The following ERBB4 variants were observed in gnomAD, a reference collection of about 807,000 sequenced individuals.
ERBB4 encodes the protein receptor tyrosine-protein kinase erbB-4.
ERBB4 carries 42 observed loss-of-function variants against 158.0 expected under a neutral mutation model. The observed-to-expected ratio is 0.27, with a 90% CI of 0.21 to 0.34. The LOEUF is 0.34. Among genes scored for constraint, ERBB4 ranks in the 10% least tolerant of loss-of-function variants. ERBB4 has a pLI of 1.00. For synonymous variants in ERBB4, 583 were observed against 558.7 expected, an observed-to-expected ratio of 1.04 and a Z score of -0.61; for missense variants, 1,333 against 1,624.1, an observed-to-expected ratio of 0.82 and a Z score of 3.08.
At chr2:212,167,996 A>AT (rs2081399883) in intron 1 of ERBB4, among the ~76,000 whole-genome samples, 1 of 151,736 alleles carries the variant, frequency 6.6e-6, no homozygotes, top group African/African-American at 2.4e-5. Flanking sequence ...GCAGCAAACC[A>AT]CCATGGCACA....
In ERBB4 at chr2:211,866,528, G is replaced by A. The variant is rs567803787; in HGVS notation, c.422-78369C>T. Reference sequence around the variant, plus strand: ...GAATTGTCAGCAAGGAGAAATCGAAGCTAAGTTTCTTGATAATGCAACAAT... The same window carrying A: ...GAATTGTCAGCAAGGAGAAATCGAAACTAAGTTTCTTGATAATGCAACAAT... On this transcript the variant is annotated intron_variant, in intron 3 of 27. Coordinates refer to ENST00000342788, the MANE Select transcript of ERBB4 (RefSeq NM_005235.3). Among the ~76,000 whole-genome samples the A allele has an allele frequency of 3.7e-4, 57 of 152,138 alleles. 1 individual carries two copies. The highest frequency in any genetic ancestry group is 2.1e-3 in the South Asian group (10 of 4,822).
chr2:211,781,637 A>G (rs1002680680), intron 4 of ERBB4, among the ~76,000 whole-genome samples: 1 of 152,216 alleles, frequency 6.6e-6, no homozygotes, highest in Non-Finnish European at 1.5e-5. Context: ...CACATATTTT[A>G]AAAATACTTC....
chr2:211,859,136 T>A (rs2077950386), intron 3 of ERBB4, among the ~76,000 whole-genome samples: 1 of 152,174 alleles, frequency 6.6e-6, no homozygotes, highest in Admixed American at 6.5e-5. Flanking sequence ...TCTGCAGCCT[T>A]CCCAGACATA....
chr2:212,008,245 C>G (rs1282591993), intron 2 of ERBB4, among the ~76,000 whole-genome samples: 1 of 152,054 alleles, frequency 6.6e-6, no homozygotes, highest in Non-Finnish European at 1.5e-5. Flanking sequence ...AATTATGATA[C>G]ATCTCGAGTT....
intron 1 of ERBB4, among the ~76,000 whole-genome samples, chr2:212,311,282 T>G (rs1035206614): frequency 2.0e-5 from 3 of 149,086 alleles, no homozygotes; most frequent in African/African-American, 7.4e-5. Flanking sequence ...AATAGGAAAA[T>G]AGAGAAAAAT....
At chr2:212,517,758 T>C (rs1691926962) in intron 1 of ERBB4, among the ~76,000 whole-genome samples, 1 of 152,060 alleles carries the variant, frequency 6.6e-6, no homozygotes, top group Non-Finnish European at 1.5e-5. Flanking sequence ...TATTTTTTAA[T>C]GAAAAAAGTT....
chr2:211,495,142 C>T (rs1294532059), intron 20 of ERBB4, among the ~76,000 whole-genome samples: 1 of 151,910 alleles, frequency 6.6e-6, no homozygotes, highest in East Asian at 1.9e-4. Flanking sequence ...ATAGAAACTA[C>T]ACTTATTGGA....
chr2:211,592,055 A>G (rs1050303748), intron 19 of ERBB4, among the ~76,000 whole-genome samples: 12 of 152,110 alleles, frequency 7.9e-5, no homozygotes, highest in African/African-American at 2.2e-4. Context: ...TAGAAAGGGG[A>G]GGGAGGGTCT....
intron 1 of ERBB4, among the ~76,000 whole-genome samples, chr2:212,330,224 T>TTTGA (rs34834789): frequency 1.4e-3 from 1 of 722 alleles, no homozygotes; most frequent in Admixed American, 0.012. Flanking sequence ...ATCTGTGTTT[T>TTTGA]TTGTTTGTTT....
chr2:211,773,478 G>A (rs565063409), intron 4 of ERBB4, among the ~76,000 whole-genome samples: 1 of 148,936 alleles, frequency 6.7e-6, no homozygotes, highest in Non-Finnish European at 1.5e-5. Context: ...ACTAAGATGA[G>A]CTAAGGAAGA....
At position 211,380,933 on chromosome 2, in the gene ERBB4, C is replaced by T. The variant is rs1457674434; in HGVS notation, c.*2682G>A. The stretch of plus-strand genomic sequence containing the variant: ...TCTATAGCCCAGTAGAAACCATATG[C>T]ATATTGTAAATCAGAAAAAAAAAAT... On this transcript the variant is annotated 3_prime_UTR_variant, in exon 28 of 28. Coordinates refer to ENST00000342788, the MANE Select transcript of ERBB4 (RefSeq NM_005235.3). 1 of 231,362 alleles carries T rather than the reference C, an allele frequency of 4.3e-6. No individual in the cohort carries two copies. Among genetic ancestry groups the T allele is most frequent in the Non-Finnish European group, 8.5e-6 (1 of 117,226 alleles). The allele number at this position is 231,362 out of a possible 1,614,324, so 14.3% of individuals were successfully genotyped here.
chr2:211,579,006 A>G (rs2125763442), intron 19 of ERBB4, among the ~76,000 whole-genome samples: 1 of 152,286 alleles, frequency 6.6e-6, no homozygotes, highest in African/African-American at 2.4e-5. Flanking sequence ...CCTTCAAAGC[A>G]AACAGGCAAC....
intron 1 of ERBB4, among the ~76,000 whole-genome samples, chr2:212,406,479 G>A (rs1459803224): frequency 6.6e-6 from 1 of 152,108 alleles, no homozygotes; most frequent in Admixed American, 6.6e-5. Flanking sequence ...CATATTAGAG[G>A]CAAAATTACT....
chr2:211,415,599 C>G (rs543545384), intron 25 of ERBB4, among the ~76,000 whole-genome samples: 2 of 152,160 alleles, frequency 1.3e-5, no homozygotes, highest in East Asian at 3.9e-4. Context: ...ATAAAAATCT[C>G]ATGGTTAATT....
chr2:211,561,936 T>A lies in ERBB4; in HGVS notation c.2454A>T (p.Gln818His). 6.2e-7 allele frequency: 1 copy of A among 1,614,122 alleles called. No homozygotes were observed. Among genetic ancestry groups the A allele is most frequent in the Non-Finnish European group, 8.5e-7 (1 of 1,180,020 alleles). ...VHEHKDNIGS[Q>H]LLLNWCVQIA... ...TCTGGACACACCAGTTAAGCAGCAG[T>A]TGTGATCCAATGTTATCCTTGTGCT... is the stretch of plus-strand genomic sequence containing the variant. The change falls in exon 20 of 28, where the codon CAA becomes CAT. Residue 818 changes from glutamine (Q) to histidine (H), a missense_variant. This residue lies in a region of ERBB4 where 314 missense variants were observed against 437.6 expected (regional missense o/e 0.72). Transcript: ENST00000342788.
chr2:211,702,226 T>A, intron 11 of ERBB4, 60 bp from the exon 12 acceptor site: 2 of 1,212,356 alleles, frequency 1.6e-6, no homozygotes, highest in Admixed American at 3.4e-5. Flanking sequence ...AAAATAAGGC[T>A]GTCACATTTT....
At chr2:211,792,087 G>C (rs2076290032) in intron 3 of ERBB4, among the ~76,000 whole-genome samples, 1 of 151,788 alleles carries the variant, frequency 6.6e-6, no homozygotes, top group South Asian at 2.1e-4. Context: ...AGATTTAATT[G>C]TGTATGGAAA....
chr2:212,426,702 C>G (rs556953538), intron 1 of ERBB4, among the ~76,000 whole-genome samples: 36 of 152,172 alleles, frequency 2.4e-4, no homozygotes, highest in African/African-American at 8.7e-4. Flanking sequence ...TCCACACTCT[C>G]ACACAATCAC....
chr2:212,086,136 G>T (rs553304875), intron 2 of ERBB4, among the ~76,000 whole-genome samples: 1 of 151,824 alleles, frequency 6.6e-6, no homozygotes, highest in Non-Finnish European at 1.5e-5. Flanking sequence ...AAACTGGGGG[G>T]AAAAGTTAGT....
Sources: allele counts gnomAD v4.1 joint callset (sites outside exome capture counted in the v4.1 genomes callset), GRCh38; gene constraint gnomAD v4.1.1; regional missense constraint gnomAD v4.1.1; transcripts MANE v1.5; gene names NCBI Gene and HGNC (gene_info 2026-07-23, HGNC 2026-07-21).